The following TMC1 variants were observed in gnomAD, a reference collection of about 807,000 sequenced individuals.
The protein encoded by TMC1 is transmembrane channel like 1, also known as transmembrane channel-like protein 1.
In TMC1, 84 loss-of-function variants were observed where a neutral mutation model predicts 105.8. That is an observed-to-expected ratio of 0.79 (90% CI 0.67 to 0.95). The LOEUF is 0.95. TMC1 is among the 40% of genes least tolerant of loss of function. TMC1 has a pLI of 0.00. For missense variants in TMC1, 817 were observed against 914.1 expected, an observed-to-expected ratio of 0.89 and a Z score of 1.37; for synonymous variants, 315 against 311.5, an observed-to-expected ratio of 1.01 and a Z score of -0.12.
rs891827939 is a variant in TMC1, at chr9:72,762,174, G to A, written c.741+7290G>A. On this transcript the variant is annotated intron_variant, in intron 12 of 23. Coordinates refer to ENST00000297784, the MANE Select transcript of TMC1 (RefSeq NM_138691.3). Reference sequence around the variant, plus strand: ...TGAAAGAGTCTTGGCCAGGCTAACGGTGAGTCTCTAAACAAAGTATGTCCA... The same window carrying A: ...TGAAAGAGTCTTGGCCAGGCTAACGATGAGTCTCTAAACAAAGTATGTCCA... 2.0e-5 allele frequency among the ~76,000 whole-genome samples: 3 copies of A among 152,168 alleles called. No homozygotes were observed. In the South Asian group the frequency reaches 6.2e-4, roughly 32 times the overall value.
intron 1 of TMC1, among the ~76,000 whole-genome samples, chr9:72,576,447 T>A (rs1164205548): frequency 6.6e-6 from 1 of 151,444 alleles, no homozygotes; most frequent in African/African-American, 2.4e-5. Context: ...CTTCCTCCTC[T>A]CCTTTAGGTG....
At chr9:72,628,854 T>C (rs1312517873) in intron 4 of TMC1, among the ~76,000 whole-genome samples, 1 of 152,228 alleles carries the variant, frequency 6.6e-6, no homozygotes, top group Non-Finnish European at 1.5e-5. Context: ...TTTTTCAAGA[T>C]TTACTTAAAA....
chr9:72,772,304 A>G (rs1827940747), intron 12 of TMC1, 109 bp from the exon 13 acceptor site: 1 of 1,405,688 alleles, frequency 7.1e-7, no homozygotes, highest in Non-Finnish European at 1.0e-6. Flanking sequence ...CAGAGCTGTG[A>G]CCCAAGTTTG....
chr9:72,725,840 G>T (rs1055245102), intron 8 of TMC1, among the ~76,000 whole-genome samples: 1 of 151,936 alleles, frequency 6.6e-6, no homozygotes, highest in Non-Finnish European at 1.5e-5. Context: ...ACAGGTGGCC[G>T]CCACCATGCC....
At chr9:72,591,234 G>A (rs1011925174) in intron 2 of TMC1, among the ~76,000 whole-genome samples, 1 of 152,274 alleles carries the variant, frequency 6.6e-6, no homozygotes, top group Non-Finnish European at 1.5e-5. Flanking sequence ...GACCAGACTT[G>A]CAGCTTTAAA....
At chr9:72,752,916 C>T (rs1181257566) in intron 11 of TMC1, among the ~76,000 whole-genome samples, 1 of 152,132 alleles carries the variant, frequency 6.6e-6, no homozygotes, top group Non-Finnish European at 1.5e-5. Context: ...AAAGCACTTT[C>T]ACTTCTTTTA....
rs58007608 is a variant in TMC1 at position 72,683,733 on chromosome 9, TTATATATATATA to T, written c.17-4946_17-4935del. ...TCTGAGTTAACCTGAGTTACACATTTTATATATATATATATATATATATATATATATATATAT... is the reference window on the plus strand; with the variant it reads ...TCTGAGTTAACCTGAGTTACACATTTTATATATATATATATATATATATAT... On this transcript the variant is annotated intron_variant, in intron 5 of 23. Transcript: ENST00000297784. Among the ~76,000 whole-genome samples, 82 of 53,394 alleles carry T rather than the reference TTATATATATATA, an allele frequency of 1.5e-3. 1 individual carries two copies. The highest frequency in any genetic ancestry group is 5.4e-3 in the South Asian group (7 of 1,306). 35.0% of individuals were successfully genotyped at this position (53,394 alleles called of 152,430 possible).
chr9:72,595,409 A>G (rs1824702546), intron 2 of TMC1, among the ~76,000 whole-genome samples: 1 of 152,186 alleles, frequency 6.6e-6, no homozygotes, highest in Non-Finnish European at 1.5e-5. Context: ...ATGGAACATA[A>G]TCACTGTATC....
chr9:72,773,254 G>T (rs968042818), intron 13 of TMC1, among the ~76,000 whole-genome samples: 5 of 152,018 alleles, frequency 3.3e-5, no homozygotes, highest in South Asian at 2.1e-4. Flanking sequence ...AATTTTTTTT[G>T]AACTAGTTTA....
chr9:72,603,140 T>C (rs1195292109), intron 2 of TMC1, among the ~76,000 whole-genome samples: 1 of 152,150 alleles, frequency 6.6e-6, no homozygotes, highest in Non-Finnish European at 1.5e-5. Context: ...CAGGAGAAAT[T>C]GGTCACGTAA....
At chr9:72,585,500 G>A (rs1190449170) in intron 2 of TMC1, among the ~76,000 whole-genome samples, 2 of 152,048 alleles carry the variant, frequency 1.3e-5, no homozygotes, top group Admixed American at 1.3e-4. Context: ...AAGGAAAGAG[G>A]AAAGAATAAG....
At chr9:72,750,099 C>T (rs1191343821) in intron 10 of TMC1, among the ~76,000 whole-genome samples, 2 of 152,050 alleles carry the variant, frequency 1.3e-5, no homozygotes, top group African/African-American at 2.4e-5. Flanking sequence ...AAGGGCAAAA[C>T]TCCATCTCAA....
At chr9:72,557,827 T>G (rs986291218) in intron 1 of TMC1, among the ~76,000 whole-genome samples, 3 of 152,276 alleles carry the variant, frequency 2.0e-5, no homozygotes, top group Admixed American at 2.0e-4. Flanking sequence ...TGAGGGAGGC[T>G]AAAGAGGAAA....
Position 72,816,220 on chromosome 9 carries a change from C to T in TMC1, c.1763+10C>T, listed in dbSNP as rs755240048. ...ACCAAGGCATGATCTGGTAGGCCAG[C>T]TGTTGGACAGCTTATCACTTACAGA... is the stretch of plus-strand genomic sequence containing the variant. On this transcript the variant is annotated intron_variant, in intron 19 of 23. Transcript: ENST00000297784. 6.2e-7 allele frequency: 1 copy of T among 1,612,800 alleles called. No homozygotes were observed. The highest frequency in any genetic ancestry group is 8.5e-7 in the Non-Finnish European group (1 of 1,178,830).
At chr9:72,556,369 G>A (rs1341073972) in intron 1 of TMC1, among the ~76,000 whole-genome samples, 6 of 151,540 alleles carry the variant, frequency 4.0e-5, no homozygotes, top group Admixed American at 2.0e-4. Flanking sequence ...CACCTTCCTC[G>A]GCTGCCCAAA....
intron 2 of TMC1, among the ~76,000 whole-genome samples, chr9:72,598,497 A>C (rs1253846500): frequency 6.6e-6 from 1 of 151,262 alleles, no homozygotes; most frequent in Non-Finnish European, 1.5e-5. Context: ...TCTCTGCTTC[A>C]TAATCGTATC....
At chr9:72,712,569 A>G (rs140530522) in intron 8 of TMC1, among the ~76,000 whole-genome samples, 34,728 of 151,886 alleles carry the variant, frequency 0.23, 4,299 homozygotes, top group East Asian at 0.39. Flanking sequence ...CTCTCTGTTT[A>G]TCTGTTTTTG....
chr9:72,714,389 G>T (rs1198337159), intron 8 of TMC1, among the ~76,000 whole-genome samples: 2 of 152,136 alleles, frequency 1.3e-5, no homozygotes, highest in Non-Finnish European at 2.9e-5. Context: ...CTATTATTGT[G>T]TGAGGGTCTA....
intron 2 of TMC1, among the ~76,000 whole-genome samples, chr9:72,600,949 A>T (rs1292965265): frequency 1.3e-5 from 2 of 152,180 alleles, no homozygotes; most frequent in African/African-American, 2.4e-5. Flanking sequence ...CAGGGACCAC[A>T]CACTGAGAAA....
Sources: allele counts gnomAD v4.1 joint callset (sites outside exome capture counted in the v4.1 genomes callset), GRCh38; gene constraint gnomAD v4.1.1; transcripts MANE v1.5; gene names NCBI Gene and HGNC (gene_info 2026-07-23, HGNC 2026-07-21).